SEMA6D: variants seen among roughly 807,000 people sequenced by gnomAD.
SEMA6D encodes semaphorin 6D.
SEMA6D carries 35 observed loss-of-function variants against 106.6 expected under a neutral mutation model. That is an observed-to-expected ratio of 0.33 (90% confidence interval 0.25 to 0.44). The LOEUF is 0.44. Ranked by LOEUF, SEMA6D falls within the 20% of genes least tolerant of loss-of-function variation. The pLI is 1.00. For synonymous variants in SEMA6D, 499 were observed against 487.7 expected (o/e 1.02, Z -0.31); for missense variants, 1,185 against 1,345.9 (o/e 0.88, Z 1.87).
chr15:47,517,847 G>A (rs1055690342), intron 3 of SEMA6D, among the ~76,000 whole-genome samples: 3 of 152,112 alleles, frequency 2.0e-5, no homozygotes, highest in Non-Finnish European at 2.9e-5. Context: ...AACAAATTAG[G>A]GAGCTGTCTT....
At chr15:47,316,986 G>C (rs1417948743) in intron 1 of SEMA6D, among the ~76,000 whole-genome samples, 1 of 152,124 alleles carries the variant, frequency 6.6e-6, no homozygotes, top group Non-Finnish European at 1.5e-5. Context: ...GCAGAGAATT[G>C]GTATGAATTC....
chr15:47,648,607 C>A (rs780100609), intron 4 of SEMA6D, among the ~76,000 whole-genome samples: 28 of 152,188 alleles, frequency 1.8e-4, no homozygotes, highest in Non-Finnish European at 3.2e-4. Context: ...GTGCTCCTGA[C>A]AACTTTCACT....
intron 1 of SEMA6D, among the ~76,000 whole-genome samples, chr15:47,755,424 CTT>C (rs2081662740): frequency 6.6e-6 from 1 of 152,082 alleles, no homozygotes; most frequent in Non-Finnish European, 1.5e-5. Context: ...TTCTCTCTCT[CTT>C]AGCTGCAGTT....
intron 2 of SEMA6D, among the ~76,000 whole-genome samples, chr15:47,458,890 A>G (rs2042419817): frequency 6.6e-6 from 1 of 152,044 alleles, no homozygotes; most frequent in Non-Finnish European, 1.5e-5. Context: ...TAAATAAACT[A>G]TTAATAAAGA....
intron 3 of SEMA6D, among the ~76,000 whole-genome samples, chr15:47,568,964 C>T (rs1157474959): frequency 6.6e-6 from 1 of 152,116 alleles, no homozygotes; most frequent in Non-Finnish European, 1.5e-5. Flanking sequence ...TCAAACTGTG[C>T]TCTATGGAAA....
intron 4 of SEMA6D, among the ~76,000 whole-genome samples, chr15:47,694,607 G>T (rs1483922433): frequency 6.6e-6 from 1 of 152,010 alleles, no homozygotes. Context: ...GCATGCTGAG[G>T]TTTACAGGCC....
At chr15:47,184,488 GCT>G (rs1228122735) in intron 1 of SEMA6D, 1 of 152,222 alleles carries the variant, frequency 6.6e-6, no homozygotes, top group Non-Finnish European at 1.5e-5. Context: ...GCGAGGAGCT[GCT>G]GACGGAGGTT....
intron 4 of SEMA6D, among the ~76,000 whole-genome samples, chr15:47,680,075 A>G (rs769919161): frequency 1.3e-5 from 2 of 152,164 alleles, no homozygotes; most frequent in Non-Finnish European, 2.9e-5. Context: ...AGTGGCTCCC[A>G]CATAAATCTG....
intron 4 of SEMA6D, among the ~76,000 whole-genome samples, chr15:47,685,539 A>T (rs781510761): frequency 3.9e-5 from 6 of 152,150 alleles, no homozygotes; most frequent in Non-Finnish European, 5.9e-5. Context: ...TTTCATATTT[A>T]TCAAACTTTG....
intron 1 of SEMA6D, among the ~76,000 whole-genome samples, chr15:47,287,513 AG>A (rs1469549789): frequency 6.6e-6 from 1 of 152,158 alleles, no homozygotes; most frequent in African/African-American, 2.4e-5. Flanking sequence ...CCATTGTTCT[AG>A]GTAGCTGGGT....
chr15:47,253,708 A>G (rs568446819), intron 1 of SEMA6D, among the ~76,000 whole-genome samples: 7 of 152,136 alleles, frequency 4.6e-5, no homozygotes, highest in African/African-American at 1.7e-4. Context: ...CCATTGGTCT[A>G]TGTGTCTGAT....
intron 1 of SEMA6D, among the ~76,000 whole-genome samples, chr15:47,268,392 A>T (rs1379065477): frequency 6.6e-6 from 1 of 151,980 alleles, no homozygotes; most frequent in Non-Finnish European, 1.5e-5. Flanking sequence ...TGTCCCTTCC[A>T]TTCTACCCTC....
chr15:47,718,042 C>G (rs1036878482), intron 1 of SEMA6D, among the ~76,000 whole-genome samples: 3 of 152,072 alleles, frequency 2.0e-5, no homozygotes, highest in Admixed American at 2.0e-4. Flanking sequence ...ACTGTGCACC[C>G]CCTTGGAAAA....
At chr15:47,627,226 T>C (rs561168664) in intron 4 of SEMA6D, among the ~76,000 whole-genome samples, 29 of 152,272 alleles carry the variant, frequency 1.9e-4, no homozygotes, top group Middle Eastern at 3.4e-3. Context: ...CCAGTTCATC[T>C]TTGCCTTTAA....
chr15:47,209,769 G>C (rs989053551), intron 1 of SEMA6D, among the ~76,000 whole-genome samples: 3 of 152,086 alleles, frequency 2.0e-5, no homozygotes, highest in Admixed American at 1.3e-4. Context: ...TAACTTCCTT[G>C]TTTCTAAGGA....
intron 3 of SEMA6D, among the ~76,000 whole-genome samples, chr15:47,583,538 C>T (rs771169027): frequency 6.6e-5 from 10 of 152,130 alleles, no homozygotes; most frequent in Non-Finnish European, 1.3e-4. Flanking sequence ...CCAGGAGCCA[C>T]GTATTTTATC....
intron 1 of SEMA6D, among the ~76,000 whole-genome samples, chr15:47,747,418 A>G (rs953021460): frequency 6.6e-6 from 1 of 152,202 alleles, no homozygotes; most frequent in East Asian, 1.9e-4. Context: ...AATTATTAAT[A>G]TGTAACCAAA....
At chr15:47,727,054 T>C (rs1474074100) in intron 1 of SEMA6D, among the ~76,000 whole-genome samples, 1 of 152,154 alleles carries the variant, frequency 6.6e-6, no homozygotes, top group Non-Finnish European at 1.5e-5. Context: ...TGTTTCAGAA[T>C]TGTGGTGTCA....
intron 1 of SEMA6D, chr15:47,730,751 A>C: frequency 6.2e-7 from 1 of 1,600,614 alleles, no homozygotes. Flanking sequence ...TGCCGCTGCA[A>C]CCTGATATAG....
Sources: gnomAD v4.1 joint callset for allele counts (sites outside exome capture counted in the v4.1 genomes callset) on GRCh38, gnomAD v4.1.1 for gene constraint, MANE v1.5 for transcripts, NCBI Gene and HGNC (gene_info 2026-07-23, HGNC 2026-07-21) for gene names.